Variants in HBS1L observed in about 807,000 individuals in gnomAD.
HBS1L encodes the protein HBS1-like protein.
HBS1L carries 55 observed loss-of-function variants against 88.9 expected under a neutral mutation model. That is an observed-to-expected ratio of 0.62 (90% CI 0.50 to 0.77). HBS1L has a LOEUF of 0.77. HBS1L is among the 30% of genes least tolerant of loss of function. HBS1L has a pLI of 0.00. For missense variants in HBS1L, 741 were observed against 829.3 expected, an observed-to-expected ratio of 0.89 and a Z score of 1.31; for synonymous variants, 267 against 288.5, an observed-to-expected ratio of 0.93 and a Z score of 0.76.
intron 1 of HBS1L, among the ~76,000 whole-genome samples, chr6:135,051,849 G>A (rs921467604): frequency 1.3e-5 from 2 of 152,130 alleles, no homozygotes; most frequent in African/African-American, 4.8e-5. Context: ...CCATGCCAGG[G>A]AGTAGTTGAG....
At chr6:135,043,875 T>A (rs1364451312) in intron 2 of HBS1L, among the ~76,000 whole-genome samples, 1 of 152,244 alleles carries the variant, frequency 6.6e-6, no homozygotes, top group Non-Finnish European at 1.5e-5. Context: ...ACATTGAGGA[T>A]GTTATGAAAT....
chr6:134,979,192 A>G lies in HBS1L; in HGVS notation c.1674T>C (p.Asp558=), dbSNP rs139934433. 2 of 1,610,748 alleles carry G rather than the reference A, an allele frequency of 1.2e-6. No individual in the cohort carries two copies. Among genetic ancestry groups the G allele is most frequent in the East Asian group, 4.5e-5 (2 of 44,808 alleles). The part of the protein sequence containing the change: ...DHVSLTLVGM[D]IIKINVGCIF... ...TTCTCACTCACTTGATTTTGATGATATCCATCCCAACCAAAGTAAGACTAA... is the reference window on the plus strand; with the variant it reads ...TTCTCACTCACTTGATTTTGATGATGTCCATCCCAACCAAAGTAAGACTAA... The change falls in exon 14 of 18, where the codon GAT becomes GAC. Residue 558 remains aspartate, a synonymous_variant. Transcript: ENST00000367837.
At chr6:135,016,346 CAT>C (rs1491545655) in intron 4 of HBS1L, among the ~76,000 whole-genome samples, 1 of 152,216 alleles carries the variant, frequency 6.6e-6, no homozygotes, top group Non-Finnish European at 1.5e-5. Context: ...TCCTAATATA[CAT>C]AGTTAAAGCC....
intron 4 of HBS1L, among the ~76,000 whole-genome samples, chr6:135,003,278 A>C (rs927941360): frequency 5.3e-5 from 8 of 152,210 alleles, no homozygotes; most frequent in African/African-American, 1.9e-4. Flanking sequence ...ACTGATGAAC[A>C]AGTTGAGAGT....
intron 13 of HBS1L, among the ~76,000 whole-genome samples, chr6:134,981,675 ATAT>A (rs1774835112): frequency 6.6e-6 from 1 of 151,914 alleles, no homozygotes; most frequent in South Asian, 2.1e-4. Flanking sequence ...GTTACAAATA[ATAT>A]TATTTTATAG....
intron 4 of HBS1L, among the ~76,000 whole-genome samples, chr6:135,017,822 C>A (rs1775964160): frequency 6.6e-6 from 1 of 151,816 alleles, no homozygotes; most frequent in African/African-American, 2.4e-5. Flanking sequence ...AAAAGGTGAT[C>A]TGAAAGATTT....
At chr6:135,047,725 G>A (rs1003717736) in intron 2 of HBS1L, among the ~76,000 whole-genome samples, 2 of 152,116 alleles carry the variant, frequency 1.3e-5, no homozygotes, top group African/African-American at 4.8e-5. Context: ...ATGTATTAGA[G>A]ATTTTTTTAA....
At chr6:134,973,236 T>C (rs763828939) in intron 15 of HBS1L, among the ~76,000 whole-genome samples, 12 of 152,236 alleles carry the variant, frequency 7.9e-5, no homozygotes, top group Non-Finnish European at 1.8e-4. Context: ...AGGTGGTATA[T>C]ACATGCAATG....
At chr6:135,017,615 A>G (rs1775957945) in intron 4 of HBS1L, among the ~76,000 whole-genome samples, 1 of 152,084 alleles carries the variant, frequency 6.6e-6, no homozygotes, top group Non-Finnish European at 1.5e-5. Context: ...TCCACATTTA[A>G]AAATATATAA....
rs533095123 is a variant in HBS1L, at chr6:135,010,593, T to G, written c.431-7751A>C. ...AAATATGTATCTAGCCATAGATAAA[T>G]AGTATCACAAAGTACCTTACCTTGG... On this transcript the variant is annotated intron_variant, in intron 4 of 17. Coordinates refer to ENST00000367837, the MANE Select transcript of HBS1L (RefSeq NM_006620.4). Among the ~76,000 whole-genome samples, 5 of 152,320 alleles carry G rather than the reference T, an allele frequency of 3.3e-5. No homozygotes were observed. In the South Asian group the frequency reaches 1.0e-3, roughly 32 times the overall value.
chr6:135,031,656 G>A (rs916812083), intron 4 of HBS1L, among the ~76,000 whole-genome samples: 11 of 151,884 alleles, frequency 7.2e-5, no homozygotes, highest in African/African-American at 2.7e-4. Context: ...ATGCCACACT[G>A]CAATAAAGAT....
At chr6:135,023,570 G>C (rs796718286) in intron 4 of HBS1L, among the ~76,000 whole-genome samples, 4 of 152,146 alleles carry the variant, frequency 2.6e-5, no homozygotes, top group African/African-American at 9.6e-5. Flanking sequence ...CTATGAAATG[G>C]CAAAACAATG....
rs140397097 is a variant in HBS1L, at chr6:134,969,216, A to G, written c.1898+22T>C. 923 of 1,491,136 alleles carry G rather than the reference A, an allele frequency of 6.2e-4. 6 individuals carry two copies. Among genetic ancestry groups the G allele is most frequent in the African/African-American group, 5.5e-3 (402 of 72,532 alleles). The allele number at this position is 1,491,136 out of a possible 1,614,324, so 92.4% of individuals were successfully genotyped here. On this transcript the variant is annotated intron_variant, in intron 16 of 17. Transcript: ENST00000367837. ...AATTGGCTTAAATTGCTTGTTTATC[A>G]TTTCTGTATTAAAACACTCACTTAG...
chr6:135,020,549 TC>T (rs1456263739), intron 4 of HBS1L, among the ~76,000 whole-genome samples: 1 of 152,008 alleles, frequency 6.6e-6, no homozygotes, highest in Non-Finnish European at 1.5e-5. Flanking sequence ...AATGAAAACT[TC>T]AATACAAATA....
intron 17 of HBS1L, 104 bp downstream of exon 17, chr6:134,966,225 C>T (rs1774309164): frequency 9.7e-7 from 1 of 1,029,630 alleles, no homozygotes; most frequent in Non-Finnish European, 1.4e-6. Flanking sequence ...CTAATCAATG[C>T]TTTTTCTTTC....
At chr6:135,036,566 T>C (rs1446616316) in intron 4 of HBS1L, 2 of 1,485,572 alleles carry the variant, frequency 1.3e-6, no homozygotes, top group Admixed American at 5.4e-5. Flanking sequence ...TACTATTCTC[T>C]AGTAAATGCT....
intron 4 of HBS1L, among the ~76,000 whole-genome samples, chr6:135,017,844 A>AT (rs939048746): frequency 1.3e-5 from 2 of 152,070 alleles, no homozygotes; most frequent in African/African-American, 4.8e-5. Context: ...AAAATGGGGA[A>AT]TTTTTTTATA....
At position 134,986,122 on chromosome 6, in the gene HBS1L, G is replaced by A; in HGVS notation, c.1367C>T (p.Ser456Phe). 2.5e-6 allele frequency: 4 copies of A among 1,602,844 alleles called. No homozygotes were observed. The South Asian group carries it at 4.4e-5, about 18-fold the overall frequency. ...GLSGENLITR[S>F]QSSELTKWYK... Reference sequence around the variant, plus strand: ...CCATTTTGTGAGTTCACTTGACTGAGATCTTGTGATTAGATTTTCACCACT... The same window carrying A: ...CCATTTTGTGAGTTCACTTGACTGAAATCTTGTGATTAGATTTTCACCACT... The change falls in exon 11 of 18, where the codon TCT becomes TTT. Residue 456 changes from serine to phenylalanine, a missense_variant. By Grantham distance (155) the Ser-to-Phe change is radical. Transcript: ENST00000367837.
chr6:135,032,962 T>G (rs117837168), intron 4 of HBS1L, among the ~76,000 whole-genome samples: 3,600 of 152,266 alleles, frequency 0.024, 78 homozygotes, highest in Non-Finnish European at 0.039. Flanking sequence ...AAAAGTGCTC[T>G]GTACAGAAAT....
Sources: allele counts gnomAD v4.1 joint callset (sites outside exome capture counted in the v4.1 genomes callset), GRCh38; gene constraint gnomAD v4.1.1; transcripts MANE v1.5; gene names NCBI Gene and HGNC (gene_info 2026-07-23, HGNC 2026-07-21).